The following MPP7 variants were observed in gnomAD, a reference collection of about 807,000 sequenced individuals.
The protein encoded by MPP7 is MAGUK p55 subfamily member 7.
A neutral mutation model predicts 76.5 loss-of-function variants in MPP7; 60 were observed. The ratio of observed to expected loss-of-function variants is 0.78; its 90% CI spans 0.64 to 0.97. The LOEUF is 0.97. MPP7 is among the 50% of genes least tolerant of loss of function. The probability of loss-of-function intolerance (pLI) is 0.00; values close to 1 mark genes in which losing one functional copy is unlikely to be tolerated. For synonymous variants in MPP7, 237 were observed against 244.5 expected (o/e 0.97, Z 0.29); for missense variants, 641 against 694.0 (o/e 0.92, Z 0.86).
At chr10:28,107,987 A>T (rs1834376940) in intron 11 of MPP7, among the ~76,000 whole-genome samples, 1 of 152,244 alleles carries the variant, frequency 6.6e-6, no homozygotes, top group Admixed American at 6.5e-5. Flanking sequence ...CTTACTTAGT[A>T]GATTTTCTCT....
intron 13 of MPP7, among the ~76,000 whole-genome samples, chr10:28,064,302 G>A (rs1206962246): frequency 1.3e-5 from 2 of 152,100 alleles, no homozygotes; most frequent in African/African-American, 2.4e-5. Flanking sequence ...AGACAACATG[G>A]GTGAATCTTA....
At chr10:28,214,195 T>C (rs1012222108) in intron 2 of MPP7, among the ~76,000 whole-genome samples, 1 of 152,254 alleles carries the variant, frequency 6.6e-6, no homozygotes. Flanking sequence ...TTCAGCAGTA[T>C]AGTTTACAAC....
chr10:28,233,525 A>C (rs1304773940), intron 2 of MPP7, among the ~76,000 whole-genome samples: 1 of 150,314 alleles, frequency 6.7e-6, no homozygotes, highest in Non-Finnish European at 1.5e-5. Context: ...TGGCTAACAC[A>C]ATGAAACCCC....
intron 3 of MPP7, among the ~76,000 whole-genome samples, chr10:28,198,360 T>C (rs1268874408): frequency 6.6e-6 from 1 of 152,062 alleles, no homozygotes; most frequent in Non-Finnish European, 1.5e-5. Context: ...GTGGATCCCT[T>C]AGGTCAGGAT....
chr10:28,081,852 A>C (rs1343019332), intron 12 of MPP7, among the ~76,000 whole-genome samples: 1 of 151,438 alleles, frequency 6.6e-6, no homozygotes, highest in Non-Finnish European at 1.5e-5. Flanking sequence ...TCCCAGGTTC[A>C]AGTGATTCTC....
chr10:28,267,342 T>C (rs1252505286), intron 1 of MPP7, among the ~76,000 whole-genome samples: 2 of 152,252 alleles, frequency 1.3e-5, no homozygotes, highest in Admixed American at 1.3e-4. Context: ...TGCCTTTAGA[T>C]GCTGGGTATA....
chr10:28,125,617 TA>T (rs11415273), intron 6 of MPP7, among the ~76,000 whole-genome samples: 4 of 151,536 alleles, frequency 2.6e-5, no homozygotes, highest in Non-Finnish European at 1.5e-5. Flanking sequence ...ATTTAAAAAT[TA>T]AAAAAAACTT....
chr10:28,245,393 T>A (rs533174293), intron 1 of MPP7, among the ~76,000 whole-genome samples: 1 of 152,148 alleles, frequency 6.6e-6, no homozygotes, highest in Non-Finnish European at 1.5e-5. Flanking sequence ...CATATCATCA[T>A]ATGTCCCTAA....
intron 2 of MPP7, among the ~76,000 whole-genome samples, chr10:28,320,001 C>T (rs147165220): frequency 3.9e-5 from 6 of 152,180 alleles, no homozygotes; most frequent in East Asian, 3.9e-4. Flanking sequence ...ATTATTCTTT[C>T]GGTGCCCTCT....
At position 28,126,998 on chromosome 10, in the gene MPP7, T is replaced by A. The variant is rs2133654857; in HGVS notation, c.448-1907A>T. Among the ~76,000 whole-genome samples, 3 of 152,270 alleles carry A rather than the reference T, an allele frequency of 2.0e-5. No homozygotes were observed. In the East Asian group the frequency reaches 5.8e-4, roughly 29 times the overall value. Reference sequence around the variant, plus strand: ...CCTCAGTTCACTCCAGCCACCACCATCTGACTGTATGTATGAGGAACTCCA... The same window carrying A: ...CCTCAGTTCACTCCAGCCACCACCAACTGACTGTATGTATGAGGAACTCCA... On this transcript the variant is annotated intron_variant, in intron 6 of 16. Coordinates refer to ENST00000683449, the MANE Select transcript of MPP7 (RefSeq NM_001318170.2).
At chr10:28,157,775 T>C (rs1836116982) in intron 3 of MPP7, among the ~76,000 whole-genome samples, 1 of 152,208 alleles carries the variant, frequency 6.6e-6, no homozygotes. Context: ...GTACCCACAT[T>C]CATCTCTGAG....
At chr10:28,114,852 T>C (rs910250137) in intron 11 of MPP7, among the ~76,000 whole-genome samples, 1 of 152,194 alleles carries the variant, frequency 6.6e-6, no homozygotes, top group African/African-American at 2.4e-5. Flanking sequence ...ACTCTGATAG[T>C]GTTTGAGAAG....
At chr10:28,301,931 T>C (rs905051820) in intron 1 of MPP7, among the ~76,000 whole-genome samples, 5 of 152,200 alleles carry the variant, frequency 3.3e-5, no homozygotes, top group African/African-American at 9.7e-5. Context: ...CAATTCAAGA[T>C]ACTTCTTTAT....
At chr10:28,314,502 C>A (rs138040013) in intron 2 of MPP7, among the ~76,000 whole-genome samples, 1 of 152,196 alleles carries the variant, frequency 6.6e-6, no homozygotes, top group Non-Finnish European at 1.5e-5. Context: ...GGAGTTCTAG[C>A]TTCCGCGTAT....
rs1411079858 is a variant in MPP7, at chr10:28,268,166, C to G, written c.-131-29431G>C. 7.2e-5 allele frequency among the ~76,000 whole-genome samples: 8 copies of G among 110,616 alleles called. No homozygotes were observed. The South Asian group carries it at 2.4e-3, about 34-fold the overall frequency. 72.6% of individuals were successfully genotyped at this position (110,616 alleles called of 152,430 possible). The stretch of plus-strand genomic sequence containing the variant: ...GGGTAGAAGGTGAAGTTTCTCTAAG[C>G]AGGTGCAATTAAGCTCAGCCCTGAA... On this transcript the variant is annotated intron_variant, in intron 1 of 16. Coordinates refer to ENST00000683449, the MANE Select transcript of MPP7 (RefSeq NM_001318170.2).
At chr10:28,155,863 T>C (rs1488101473) in intron 3 of MPP7, among the ~76,000 whole-genome samples, 1 of 152,088 alleles carries the variant, frequency 6.6e-6, no homozygotes, top group Admixed American at 6.5e-5. Flanking sequence ...GCAAACACAA[T>C]GGACTTAAGC....
chr10:28,092,802 A>T (rs1255057585), intron 11 of MPP7, among the ~76,000 whole-genome samples: 1 of 142,678 alleles, frequency 7.0e-6, no homozygotes. Flanking sequence ...TTGGTCTTGA[A>T]GCCCTGAGCA....
chr10:28,293,093 A>C (rs1840959288), intron 1 of MPP7, among the ~76,000 whole-genome samples: 1 of 152,098 alleles, frequency 6.6e-6, no homozygotes, highest in African/African-American at 2.4e-5. Flanking sequence ...GATTCCGTTT[A>C]ATGAAAGATT....
chr10:28,091,573 C>T (rs578205070), intron 11 of MPP7, among the ~76,000 whole-genome samples: 12 of 152,154 alleles, frequency 7.9e-5, no homozygotes, highest in South Asian at 6.2e-4. Context: ...CAGGCGTGAG[C>T]CACCATGACC....
Sources: gnomAD v4.1 joint callset for allele counts (sites outside exome capture counted in the v4.1 genomes callset) on GRCh38, gnomAD v4.1.1 for gene constraint, MANE v1.5 for transcripts, NCBI Gene and HGNC (gene_info 2026-07-23, HGNC 2026-07-21) for gene names.